WASF3: variants seen among roughly 807,000 people sequenced by gnomAD.
WASF3 encodes actin-binding protein WASF3.
In WASF3, 11 loss-of-function variants were observed where a neutral mutation model predicts 46.6. That is an observed-to-expected ratio of 0.24 (90% CI 0.15 to 0.39). WASF3 has a LOEUF of 0.39. Among genes scored for constraint, WASF3 ranks in the 10% least tolerant of loss-of-function variants. The probability of loss-of-function intolerance (pLI) is 1.00; values close to 1 mark genes in which losing one functional copy is unlikely to be tolerated. For synonymous variants in WASF3, 242 were observed against 259.7 expected (o/e 0.93, Z 0.65); for missense variants, 576 against 669.8 (o/e 0.86, Z 1.55).
chr13:26,576,693 TTTG>T (rs761347841), intron 1 of WASF3, among the ~76,000 whole-genome samples: 4 of 152,234 alleles, frequency 2.6e-5, no homozygotes, highest in Non-Finnish European at 5.9e-5. Flanking sequence ...TTTTTCATAG[TTTG>T]TTGTTAGTAT....
chr13:26,681,211 T>C lies in WASF3; in HGVS notation c.874T>C (p.Ser292Pro), dbSNP rs745605331. 9 of 1,613,864 alleles carry C rather than the reference T, an allele frequency of 5.6e-6. No homozygotes were observed. Among genetic ancestry groups the C allele is most frequent in the Non-Finnish European group, 7.6e-6 (9 of 1,179,996 alleles). The change falls in exon 8 of 10, where the codon TCG becomes CCG. Residue 292 changes from serine to proline, a missense_variant. Physicochemically the swap from Ser to Pro is moderately conservative, Grantham distance 74. Around this residue, in one of 3 missense-constraint regions of WASF3, gnomAD observed 295 missense variants for 291.5 expected, o/e 1.01. Coordinates refer to ENST00000335327, the MANE Select transcript of WASF3 (RefSeq NM_006646.6). ...AEHEYRPPSASARHMALNRPQ... is the reference protein window; with the variant it reads ...AEHEYRPPSAPARHMALNRPQ... ...GCATGAGTACCGGCCCCCATCTGCC[T>C]CGGCGAGGCACATGGCCCTCAACAG...
intron 1 of WASF3, among the ~76,000 whole-genome samples, chr13:26,590,015 C>T (rs1880242848): frequency 6.6e-6 from 1 of 152,158 alleles, no homozygotes; most frequent in African/African-American, 2.4e-5. Flanking sequence ...TGTAACTTCC[C>T]CTTCCCCTTT....
chr13:26,596,484 T>G (rs1242698493), intron 1 of WASF3, among the ~76,000 whole-genome samples: 1 of 152,202 alleles, frequency 6.6e-6, no homozygotes, highest in African/African-American at 2.4e-5. Context: ...TTTGATAAAA[T>G]TTAGCCTTCT....
chr13:26,569,395 T>G (rs1879567169), intron 1 of WASF3, among the ~76,000 whole-genome samples: 1 of 152,226 alleles, frequency 6.6e-6, no homozygotes, highest in Non-Finnish European at 1.5e-5. Flanking sequence ...CAGAGTGTTC[T>G]ATAAATTAAA....
chr13:26,578,946 T>C (rs1178095275), intron 1 of WASF3, among the ~76,000 whole-genome samples: 3 of 151,440 alleles, frequency 2.0e-5, no homozygotes, highest in Non-Finnish European at 4.4e-5. Context: ...AGTTATTATA[T>C]TGATTTTTGG....
intron 1 of WASF3, among the ~76,000 whole-genome samples, chr13:26,583,942 T>C (rs950449564): frequency 1.3e-5 from 2 of 152,232 alleles, no homozygotes; most frequent in East Asian, 3.9e-4. Flanking sequence ...TTAAAAAGGT[T>C]CTGAAAACTC....
intron 7 of WASF3, among the ~76,000 whole-genome samples, chr13:26,677,521 G>A (rs1167092323): frequency 7.2e-5 from 11 of 152,324 alleles, no homozygotes; most frequent in African/African-American, 2.4e-4. Flanking sequence ...TGGACTTTGG[G>A]TTGTATCTGT....
At chr13:26,568,214 A>G (rs1349690403) in intron 1 of WASF3, among the ~76,000 whole-genome samples, 2 of 152,162 alleles carry the variant, frequency 1.3e-5, no homozygotes, top group Non-Finnish European at 2.9e-5. Flanking sequence ...GTTAGATTGT[A>G]AGAGGATCAC....
chr13:26,554,286 C>T (rs1879053178), upstream of WASF3, among the ~76,000 whole-genome samples: 2 of 151,830 alleles, frequency 1.3e-5, no homozygotes, highest in South Asian at 2.1e-4. Flanking sequence ...TATGCCACCA[C>T]TCTTGGCTAA....
At chr13:26,576,035 A>C (rs962270197) in intron 1 of WASF3, among the ~76,000 whole-genome samples, 1 of 152,034 alleles carries the variant, frequency 6.6e-6, no homozygotes. Context: ...AGTGTTTTGA[A>C]TATCTTCTTC....
At chr13:26,622,202 AAG>A (rs548868589) in intron 2 of WASF3, among the ~76,000 whole-genome samples, 70 of 152,298 alleles carry the variant, frequency 4.6e-4, no homozygotes, top group African/African-American at 1.6e-3. Flanking sequence ...CAGCACATAG[AAG>A]AGAGAATCAT....
At chr13:26,606,582 C>T (rs1455720027) in intron 1 of WASF3, 1 of 151,494 alleles carries the variant, frequency 6.6e-6, no homozygotes. Context: ...GTCTCAAACT[C>T]CTGGGCTCAA....
intron 4 of WASF3, among the ~76,000 whole-genome samples, chr13:26,665,693 C>T (rs1299727846): frequency 6.6e-6 from 1 of 152,154 alleles, no homozygotes; most frequent in African/African-American, 2.4e-5. Context: ...TTAATGTCGA[C>T]AAGCATTGTA....
rs529557812 is a variant in WASF3, at chr13:26,559,567, A to G, written c.-109+1748A>G. On this transcript the variant is annotated intron_variant, in intron 1 of 9. Coordinates refer to ENST00000335327, the MANE Select transcript of WASF3 (RefSeq NM_006646.6). Reference sequence around the variant, plus strand: ...TTTGTAGTCACACGTTACGGTTCCCATAGAAACCTATGTATGGCAGGTAAC... The same window carrying G: ...TTTGTAGTCACACGTTACGGTTCCCGTAGAAACCTATGTATGGCAGGTAAC... 3.3e-5 allele frequency among the ~76,000 whole-genome samples: 5 copies of G among 152,308 alleles called. No homozygotes were observed. The East Asian group carries it at 9.7e-4, about 29-fold the overall frequency.
At chr13:26,680,876 A>AT (rs1418419458) in intron 7 of WASF3, among the ~76,000 whole-genome samples, 178 bp from the exon 8 acceptor site, 2 of 152,206 alleles carry the variant, frequency 1.3e-5, no homozygotes, top group African/African-American at 4.8e-5. Context: ...GCCGACTTAT[A>AT]ATAATTATGT....
chr13:26,650,686 T>C (rs1882287683), intron 3 of WASF3, among the ~76,000 whole-genome samples: 1 of 152,048 alleles, frequency 6.6e-6, no homozygotes, highest in African/African-American at 2.4e-5. Flanking sequence ...AGCAGAGAAA[T>C]GGAAATCATT....
chr13:26,681,365 T>C (rs778507326), intron 8 of WASF3, 45 bp downstream of exon 8: 1 of 1,505,356 alleles, frequency 6.6e-7, no homozygotes, highest in South Asian at 1.4e-5. Context: ...GGCCTTGCAT[T>C]TGAATCTTGC....
intron 3 of WASF3, among the ~76,000 whole-genome samples, chr13:26,660,933 T>A (rs1882610822): frequency 6.6e-6 from 1 of 152,072 alleles, no homozygotes; most frequent in South Asian, 2.1e-4. Context: ...AGGGGAGCTG[T>A]GTGTGCAGAG....
At chr13:26,636,918 A>T (rs1246257421) in intron 2 of WASF3, among the ~76,000 whole-genome samples, 1 of 152,172 alleles carries the variant, frequency 6.6e-6, no homozygotes, top group Non-Finnish European at 1.5e-5. Context: ...TTAGGAGGAG[A>T]TACCCAGCAT....
Sources: gnomAD v4.1 joint callset for allele counts (sites outside exome capture counted in the v4.1 genomes callset) on GRCh38, gnomAD v4.1.1 for gene constraint, gnomAD v4.1.1 regional missense constraint, MANE v1.5 for transcripts, NCBI Gene and HGNC (gene_info 2026-07-23, HGNC 2026-07-21) for gene names.